The following MSRA variants were observed in gnomAD, a reference collection of about 807,000 sequenced individuals.
MSRA encodes the protein methionine sulfoxide reductase A.
A neutral mutation model predicts 31.3 loss-of-function variants in MSRA; 54 were observed. That is an observed-to-expected ratio of 1.73 (90% CI 1.39 to 2.17). MSRA has a LOEUF of 2.17. Among genes scored for constraint, MSRA ranks in the 30% most tolerant of loss-of-function variants. The pLI is 0.00. For missense variants in MSRA, 507 were observed against 300.9 expected (o/e 1.69, Z -5.07); for synonymous variants, 169 against 116.5 (o/e 1.45, Z -2.90).
chr8:10,420,838 A>C (rs1219520444), intron 5 of MSRA, among the ~76,000 whole-genome samples: 1 of 152,106 alleles, frequency 6.6e-6, no homozygotes, highest in Non-Finnish European at 1.5e-5. Context: ...ACAACTGTAC[A>C]CTTAAAAATG....
At chr8:10,414,543 A>G (rs1432338920) in intron 5 of MSRA, among the ~76,000 whole-genome samples, 1 of 152,208 alleles carries the variant, frequency 6.6e-6, no homozygotes, top group Non-Finnish European at 1.5e-5. Context: ...AACCGTCTGC[A>G]GTGAGACTAT....
chr8:10,351,327 C>T (rs1804132617), intron 5 of MSRA, among the ~76,000 whole-genome samples: 2 of 135,308 alleles, frequency 1.5e-5, no homozygotes, highest in Admixed American at 1.7e-4. Flanking sequence ...GATCTTGGCT[C>T]ACTGCAACCT....
chr8:10,192,764 G>T (rs973417543), intron 1 of MSRA, among the ~76,000 whole-genome samples: 4 of 152,242 alleles, frequency 2.6e-5, no homozygotes, highest in African/African-American at 7.2e-5. Context: ...ACAGTATTCT[G>T]TAAATGGTGC....
intron 1 of MSRA, among the ~76,000 whole-genome samples, chr8:10,126,328 C>G (rs1249908639): frequency 6.6e-6 from 1 of 151,996 alleles, no homozygotes; most frequent in Non-Finnish European, 1.5e-5. Context: ...TAAAATAGTA[C>G]CTGAAATGCA....
chr8:10,279,499 C>T (rs948127693), intron 3 of MSRA, among the ~76,000 whole-genome samples: 1 of 152,116 alleles, frequency 6.6e-6, no homozygotes, highest in Non-Finnish European at 1.5e-5. Flanking sequence ...TGATCGTCAT[C>T]CTCCCACCCT....
chr8:10,304,198 A>T (rs1211989684), intron 4 of MSRA, among the ~76,000 whole-genome samples: 2 of 152,214 alleles, frequency 1.3e-5, no homozygotes, highest in Non-Finnish European at 2.9e-5. Flanking sequence ...TGGCCTCCCA[A>T]AGTGCTGGGA....
At chr8:10,171,222 A>T (rs1392818001) in intron 1 of MSRA, among the ~76,000 whole-genome samples, 2 of 152,182 alleles carry the variant, frequency 1.3e-5, no homozygotes, top group East Asian at 3.8e-4. Context: ...GTTGGGAGTG[A>T]GTTTGAATAT....
intron 4 of MSRA, among the ~76,000 whole-genome samples, chr8:10,303,205 A>G (rs1223337612): frequency 2.0e-5 from 3 of 152,242 alleles, no homozygotes; most frequent in African/African-American, 7.2e-5. Flanking sequence ...AATGTGGCCA[A>G]CTGCAATGCC....
At chr8:10,401,351 G>T (rs889606004) in intron 5 of MSRA, among the ~76,000 whole-genome samples, 10 of 152,118 alleles carry the variant, frequency 6.6e-5, no homozygotes, top group Non-Finnish European at 5.9e-5. Context: ...CAAAACTACA[G>T]TGAGAAACCA....
intron 5 of MSRA, chr8:10,337,913 G>C (rs1585515515): frequency 1.5e-6 from 1 of 662,338 alleles, no homozygotes; most frequent in East Asian, 2.7e-5. Context: ...AGGGCTTCGT[G>C]TTTCTGATGC....
intron 5 of MSRA, among the ~76,000 whole-genome samples, chr8:10,323,770 G>GTGTGTGTGTGTGTC (rs1390517566): frequency 2.6e-5 from 4 of 151,680 alleles, no homozygotes; most frequent in East Asian, 3.9e-4. Context: ...GTGTGTGTGT[G>GTGTGTGTGTGTGTC]TGTGTCTGTG....
intron 5 of MSRA, among the ~76,000 whole-genome samples, chr8:10,383,571 TTG>T (rs1806206431): frequency 2.4e-5 from 1 of 41,942 alleles, no homozygotes; most frequent in African/African-American, 7.9e-5. Context: ...TGGTTTCAGG[TTG>T]ACGGTGAGTT....
At chr8:10,171,643 C>T (rs934275176) in intron 1 of MSRA, among the ~76,000 whole-genome samples, 5 of 152,160 alleles carry the variant, frequency 3.3e-5, no homozygotes, top group African/African-American at 9.7e-5. Flanking sequence ...ACGACTGATA[C>T]GGACTTACCC....
chr8:10,211,807 G>A (rs536939117), intron 2 of MSRA, among the ~76,000 whole-genome samples: 8 of 152,150 alleles, frequency 5.3e-5, no homozygotes, highest in South Asian at 4.2e-4. Context: ...CGTTGGCCAC[G>A]GTCCACTCTG....
chr8:10,303,992 G>A (rs893989526), intron 4 of MSRA, among the ~76,000 whole-genome samples: 1 of 152,164 alleles, frequency 6.6e-6, no homozygotes, highest in Non-Finnish European at 1.5e-5. Flanking sequence ...CTGGAGTGCA[G>A]TGGCGTGATC....
chr8:10,123,193 G>C (rs762684075), intron 1 of MSRA, among the ~76,000 whole-genome samples: 20 of 152,160 alleles, frequency 1.3e-4, no homozygotes, highest in African/African-American at 4.1e-4. Context: ...CATCTGTTAT[G>C]TTTTGACTTT....
At chr8:10,099,288 A>G (rs908982457) in intron 1 of MSRA, among the ~76,000 whole-genome samples, 8 of 152,322 alleles carry the variant, frequency 5.3e-5, no homozygotes, top group Non-Finnish European at 5.9e-5. Flanking sequence ...CTGGTGGCCC[A>G]TGGAATGGAG....
intron 5 of MSRA, among the ~76,000 whole-genome samples, chr8:10,419,359 G>C (rs948659220): frequency 6.6e-6 from 1 of 152,174 alleles, no homozygotes; most frequent in Non-Finnish European, 1.5e-5. Context: ...ATTTGAGTAA[G>C]GCATGTGAAT....
intron 1 of MSRA, among the ~76,000 whole-genome samples, chr8:10,128,477 C>G (rs1359909210): frequency 6.6e-6 from 1 of 152,122 alleles, no homozygotes; most frequent in Non-Finnish European, 1.5e-5. Flanking sequence ...CCATATCTGA[C>G]TTTGTCTGTT....
Sources: gnomAD v4.1 joint callset for allele counts (sites outside exome capture counted in the v4.1 genomes callset) on GRCh38, gnomAD v4.1.1 for gene constraint, MANE v1.5 for transcripts, NCBI Gene and HGNC (gene_info 2026-07-23, HGNC 2026-07-21) for gene names.